Variants in CBFA2T3 observed in about 807,000 individuals in gnomAD.
CBFA2T3 encodes transcriptional corepressor CBFA2T3.
In CBFA2T3, 31 loss-of-function variants were observed where a neutral mutation model predicts 58.6. The observed-to-expected ratio is 0.53, with a 90% CI of 0.40 to 0.71. The LOEUF is 0.71. CBFA2T3 is among the 30% of genes least tolerant of loss of function. The pLI is 0.00. For synonymous variants in CBFA2T3, 531 were observed against 421.9 expected, an observed-to-expected ratio of 1.26 and a Z score of -3.17; for missense variants, 1,076 against 963.1, an observed-to-expected ratio of 1.12 and a Z score of -1.55.
At position 88,879,283 on chromosome 16, in the gene CBFA2T3, T is replaced by A; in HGVS notation, c.1649A>T (p.Glu550Val). The change falls in exon 11 of 12, where the codon GAG becomes GTG. Residue 550 changes from glutamate to valine, a missense_variant. Transcript: ENST00000268679. ...GGGTGGCCCTACCTCGCTGGAGTCC[T>A]CCTGCTGGTTGATGACCGTCAGGGC... is the stretch of plus-strand genomic sequence containing the variant. The part of the protein sequence containing the change: ...EDALTVINQQ[E>V]DSSESCWNCG... 6.3e-7 allele frequency: 1 copy of A among 1,598,912 alleles called. No homozygotes were observed. The highest frequency in any genetic ancestry group is 1.1e-5 in the South Asian group (1 of 90,770).
chr16:88,929,990 C>T lies in CBFA2T3; in HGVS notation c.152-28334G>A, dbSNP rs1300275490. 1.8e-4 allele frequency among the ~76,000 whole-genome samples: 26 copies of T among 147,834 alleles called. 1 individual carries two copies. The highest frequency in any genetic ancestry group is 6.6e-5 in the Admixed American group (1 of 15,124). The stretch of plus-strand genomic sequence containing the variant: ...CCAATACCCAGAGCCGCATGGTCCA[C>T]GCAAAAGCTACCAATACCCACAGCT... On this transcript the variant is annotated intron_variant, in intron 1 of 11. Transcript: ENST00000268679.
chr16:88,876,818 G>A lies in CBFA2T3; in HGVS notation c.*158C>T. 7.3e-6 allele frequency: 4 copies of A among 549,662 alleles called. No homozygotes were observed. Among genetic ancestry groups the A allele is most frequent in the South Asian group, 3.0e-5 (1 of 33,608 alleles). The allele number at this position is 549,662 out of a possible 1,614,324, so 34.0% of individuals were successfully genotyped here. ...GGTTCTGTGTCTTCTTTCGGAGAGG[G>A]GCAGTAGCAGCAGTGACTAATTGGT... On this transcript the variant is annotated 3_prime_UTR_variant, in exon 12 of 12. Transcript: ENST00000268679.
At chr16:88,941,495 G>A (rs1236257825) in intron 1 of CBFA2T3, among the ~76,000 whole-genome samples, 4 of 148,338 alleles carry the variant, frequency 2.7e-5, no homozygotes, top group Non-Finnish European at 4.5e-5. Flanking sequence ...CCCCGCCGCC[G>A]AGAGCCGCCC....
chr16:88,954,595 G>A (rs1972169002), intron 1 of CBFA2T3, among the ~76,000 whole-genome samples: 1 of 49,392 alleles, frequency 2.0e-5, no homozygotes, highest in Admixed American at 1.4e-4. Context: ...CCCCGCCCAA[G>A]GCTCCTGACC....
intron 1 of CBFA2T3, among the ~76,000 whole-genome samples, chr16:88,962,279 T>A (rs1972384787): frequency 6.6e-6 from 1 of 152,280 alleles, no homozygotes; most frequent in Non-Finnish European, 1.5e-5. Flanking sequence ...TAACTGATAC[T>A]CAGCACTGGA....
chr16:88,964,761 A>C (rs1023123325), intron 1 of CBFA2T3, among the ~76,000 whole-genome samples: 6 of 150,950 alleles, frequency 4.0e-5, no homozygotes, highest in Admixed American at 2.0e-4. Context: ...CCATCCACCC[A>C]CTCATCCATC....
intron 11 of CBFA2T3, among the ~76,000 whole-genome samples, chr16:88,878,202 A>T (rs1161920318): frequency 6.6e-6 from 1 of 152,204 alleles, no homozygotes; most frequent in South Asian, 2.1e-4. Context: ...CCACCTCCCG[A>T]AACTGCACGC....
chr16:88,935,972 G>A (rs532021885), intron 1 of CBFA2T3, among the ~76,000 whole-genome samples: 1 of 152,294 alleles, frequency 6.6e-6, no homozygotes. Context: ...GAAACCGAGG[G>A]GCTGCCCATC....
At chr16:88,919,220 C>G (rs888499414) in intron 1 of CBFA2T3, among the ~76,000 whole-genome samples, 4 of 152,044 alleles carry the variant, frequency 2.6e-5, no homozygotes, top group South Asian at 4.1e-4. Flanking sequence ...GCGAGCCAAT[C>G]GGGACAAATA....
chr16:88,906,935 C>T (rs370769131), intron 1 of CBFA2T3, among the ~76,000 whole-genome samples: 52 of 152,300 alleles, frequency 3.4e-4, no homozygotes, highest in African/African-American at 1.2e-3. Flanking sequence ...TCACATAGGC[C>T]GAAGGGACGC....
intron 1 of CBFA2T3, among the ~76,000 whole-genome samples, chr16:88,918,411 CT>C (rs1272497031): frequency 6.6e-6 from 1 of 152,236 alleles, no homozygotes; most frequent in African/African-American, 2.4e-5. Context: ...GTGGCTGCCC[CT>C]GGGACCAGCT....
At chr16:88,940,892 T>C in intron 1 of CBFA2T3, 1 of 334,728 alleles carries the variant, frequency 3.0e-6, no homozygotes, top group Non-Finnish European at 4.3e-6. Context: ...GGCTCCACCC[T>C]GCCGTGGGCA....
At chr16:88,927,322 T>C (rs1971115131) in intron 1 of CBFA2T3, among the ~76,000 whole-genome samples, 1 of 152,190 alleles carries the variant, frequency 6.6e-6, no homozygotes, top group Admixed American at 6.5e-5. Flanking sequence ...ATGCCCCCGC[T>C]GAGGTGAGGC....
intron 8 of CBFA2T3, among the ~76,000 whole-genome samples, chr16:88,881,803 C>G (rs967216625): frequency 3.3e-5 from 5 of 152,238 alleles, no homozygotes; most frequent in African/African-American, 1.2e-4. Flanking sequence ...CTGGGCTCCC[C>G]TTCCAAAAAG....
At chr16:88,929,396 A>G (rs1971201221) in intron 1 of CBFA2T3, among the ~76,000 whole-genome samples, 2 of 152,228 alleles carry the variant, frequency 1.3e-5, no homozygotes, top group Admixed American at 6.5e-5. Context: ...CCTGCCCACC[A>G]GGACAGTGGC....
intron 1 of CBFA2T3, among the ~76,000 whole-genome samples, chr16:88,968,308 A>G (rs559732685): frequency 6.6e-6 from 1 of 152,334 alleles, no homozygotes; most frequent in Admixed American, 6.5e-5. Flanking sequence ...CAGTTTCGCC[A>G]GGAAGCGGCT....
rs117565673 is a variant in CBFA2T3 at position 88,977,046 on chromosome 16, T to C, written c.-239A>G. On this transcript the variant is annotated 5_prime_UTR_variant, in exon 1 of 12. Transcript: ENST00000268679. ...ATGTGACGCGGGGCGGGCCTGGGGC[T>C]GCAGGCTGGGGAAGGTCTCCCTGCA... 17,587 of 453,992 alleles carry C rather than the reference T, an allele frequency of 0.039. 478 individuals are homozygous for C. Among genetic ancestry groups the C allele is most frequent in the Non-Finnish European group, 0.053 (13,334 of 250,476 alleles). 28.1% of individuals were successfully genotyped at this position (453,992 alleles called of 1,614,324 possible). A position where few individuals can be genotyped will look rare whatever the true frequency, so the allele number is the denominator to read the frequency against.
intron 1 of CBFA2T3, among the ~76,000 whole-genome samples, chr16:88,954,357 C>T (rs1180107857): frequency 6.3e-5 from 9 of 143,736 alleles, no homozygotes; most frequent in African/African-American, 2.3e-4. Flanking sequence ...AGGCTCCTGA[C>T]CTCACCCAAG....
At chr16:88,882,351 G>C (rs892933720) in intron 8 of CBFA2T3, among the ~76,000 whole-genome samples, 4 of 151,090 alleles carry the variant, frequency 2.6e-5, no homozygotes, top group East Asian at 3.9e-4. Flanking sequence ...GCTGTGCGTG[G>C]GTGTGGCTGT....
Sources: allele counts gnomAD v4.1 joint callset (sites outside exome capture counted in the v4.1 genomes callset), GRCh38; gene constraint gnomAD v4.1.1; transcripts MANE v1.5; gene names NCBI Gene and HGNC (gene_info 2026-07-23, HGNC 2026-07-21).